The following MECOM variants were observed in gnomAD, a reference collection of about 807,000 sequenced individuals.
MECOM encodes the protein histone-lysine N-methyltransferase MECOM.
A neutral mutation model predicts 116.3 loss-of-function variants in MECOM; 13 were observed. The ratio of observed to expected loss-of-function variants is 0.11; its 90% CI spans 0.07 to 0.18. The LOEUF is 0.18. Among genes scored for constraint, MECOM ranks in the 10% least tolerant of loss-of-function variants. The pLI is 1.00. For synonymous variants in MECOM, 528 were observed against 535.2 expected (o/e 0.99, Z 0.19); for missense variants, 1,299 against 1,509.0 (o/e 0.86, Z 2.31).
At chr3:169,524,039 AATATAT>A (rs10575336) in intron 1 of MECOM, among the ~76,000 whole-genome samples, 324 of 138,238 alleles carry the variant, frequency 2.3e-3, no homozygotes, top group African/African-American at 6.5e-3. Flanking sequence ...TATATGAATA[AATATAT>A]ATATATATAT....
At chr3:169,161,513 A>G (rs1742845215) in intron 2 of MECOM, among the ~76,000 whole-genome samples, 1 of 152,210 alleles carries the variant, frequency 6.6e-6, no homozygotes, top group Admixed American at 6.5e-5. Context: ...CTGGTCACAG[A>G]TTAAAGACAA....
At chr3:169,498,156 T>C (rs1391850670) in intron 1 of MECOM, among the ~76,000 whole-genome samples, 1 of 152,236 alleles carries the variant, frequency 6.6e-6, no homozygotes, top group African/African-American at 2.4e-5. Flanking sequence ...CACAATTATT[T>C]CTTCCATATC....
intron 2 of MECOM, among the ~76,000 whole-genome samples, chr3:169,279,918 A>G (rs1315079295): frequency 6.6e-6 from 1 of 152,184 alleles, no homozygotes; most frequent in African/African-American, 2.4e-5. Context: ...CACAAGACTG[A>G]TATTTCATTG....
chr3:169,129,026 A>C (rs1733819164), intron 4 of MECOM, among the ~76,000 whole-genome samples: 1 of 152,190 alleles, frequency 6.6e-6, no homozygotes, highest in Admixed American at 6.5e-5. Flanking sequence ...ACCTATGGCC[A>C]AGGAAGATGT....
At chr3:169,661,766 C>T (rs1776314357) in intron 1 of MECOM, among the ~76,000 whole-genome samples, 1 of 152,208 alleles carries the variant, frequency 6.6e-6, no homozygotes, top group Admixed American at 6.5e-5. Flanking sequence ...CGATACCTAC[C>T]GTATTTGGTT....
Position 169,134,248 on chromosome 3 carries a change from A to G in MECOM, c.511-2717T>C, listed in dbSNP as rs1390906192. On this transcript the variant is annotated intron_variant, in intron 3 of 16. Transcript: ENST00000651503. ...AAATTGATGGATACACTGTAACTAT[A>G]TATTATAAAGACAATTCTCTTTGCC... Among the ~76,000 whole-genome samples the G allele has an allele frequency of 2.0e-5, 3 of 152,340 alleles. No homozygotes were observed. The East Asian group carries it at 5.8e-4, about 29-fold the overall frequency.
At chr3:169,163,559 A>G (rs990530672) in intron 2 of MECOM, among the ~76,000 whole-genome samples, 2 of 152,200 alleles carry the variant, frequency 1.3e-5, no homozygotes, top group Admixed American at 6.5e-5. Context: ...TAAGGTGATT[A>G]TTATCCTTGT....
intron 2 of MECOM, among the ~76,000 whole-genome samples, chr3:169,340,239 A>T (rs1037399104): frequency 6.6e-6 from 1 of 152,200 alleles, no homozygotes; most frequent in African/African-American, 2.4e-5. Context: ...TTTACTGTCA[A>T]TGCCCATCAT....
intron 1 of MECOM, among the ~76,000 whole-genome samples, chr3:169,637,840 A>G (rs377526703): frequency 6.6e-6 from 1 of 152,238 alleles, no homozygotes; most frequent in Non-Finnish European, 1.5e-5. Flanking sequence ...CATTCATTCC[A>G]TATTATTCCA....
chr3:169,463,220 T>C (rs894475499), intron 1 of MECOM, among the ~76,000 whole-genome samples: 3 of 152,132 alleles, frequency 2.0e-5, no homozygotes, highest in African/African-American at 7.2e-5. Context: ...ACCACCCCAC[T>C]GGGAAATGGA....
chr3:169,373,668 A>G (rs1025420315), intron 2 of MECOM, among the ~76,000 whole-genome samples: 2 of 152,024 alleles, frequency 1.3e-5, no homozygotes, highest in African/African-American at 4.8e-5. Context: ...AAAATGGGGT[A>G]TCATGAGGCA....
At chr3:169,652,911 G>C (rs1775091415) in intron 1 of MECOM, among the ~76,000 whole-genome samples, 1 of 152,048 alleles carries the variant, frequency 6.6e-6, no homozygotes, top group African/African-American at 2.4e-5. Flanking sequence ...CAAATCCCTA[G>C]GAATTACATG....
At chr3:169,594,902 A>C (rs1349275149) in intron 1 of MECOM, among the ~76,000 whole-genome samples, 2 of 151,386 alleles carry the variant, frequency 1.3e-5, no homozygotes, top group East Asian at 3.9e-4. Context: ...CAAAAAAAAA[A>C]CTGGATCTAT....
At chr3:169,516,378 A>G (rs1191029985) in intron 1 of MECOM, among the ~76,000 whole-genome samples, 2 of 152,222 alleles carry the variant, frequency 1.3e-5, no homozygotes, top group African/African-American at 4.8e-5. Flanking sequence ...TTTCAGATAT[A>G]ACTCTATTTT....
In MECOM at chr3:169,642,137, A is replaced by C. The variant is rs370950960; in HGVS notation, c.37+21199T>G. On this transcript the variant is annotated intron_variant, in intron 1 of 16. Coordinates refer to ENST00000651503, the MANE Select transcript of MECOM (RefSeq NM_004991.4). ...AGGCCTTCCCATTTATTAATCATAT[A>C]TTTCATTTCAGCAAAGAATCTAACA... 5.3e-5 allele frequency among the ~76,000 whole-genome samples: 8 copies of C among 152,304 alleles called. No homozygotes were observed. The South Asian group carries it at 1.7e-3, about 32-fold the overall frequency.
intron 1 of MECOM, among the ~76,000 whole-genome samples, chr3:169,384,482 C>T (rs1732973635): frequency 6.6e-6 from 1 of 152,160 alleles, no homozygotes; most frequent in African/African-American, 2.4e-5. Flanking sequence ...TTTAAAAGCT[C>T]ATTAATGGTC....
chr3:169,120,637 G>A (rs1730717912), intron 7 of MECOM, among the ~76,000 whole-genome samples: 1 of 152,118 alleles, frequency 6.6e-6, no homozygotes, highest in Non-Finnish European at 1.5e-5. Context: ...TACTTCCCAG[G>A]TGGGCTTCTT....
chr3:169,136,377 GATTA>G lies in MECOM; in HGVS notation c.511-4850_511-4847del, dbSNP rs558089840. Among the ~76,000 whole-genome samples the G allele has an allele frequency of 3.6e-3, 538 of 151,026 alleles. 6 individuals carry two copies. Among genetic ancestry groups the G allele is most frequent in the African/African-American group, 0.012 (502 of 41,344 alleles). ...TAAGAATGAATGCTTCATGGCACAT[GATTA>G]ATTCTTATTATATATCATACAAGTT... On this transcript the variant is annotated intron_variant, in intron 3 of 16. Coordinates refer to ENST00000651503, the MANE Select transcript of MECOM (RefSeq NM_004991.4).
intron 1 of MECOM, among the ~76,000 whole-genome samples, chr3:169,553,672 C>G (rs1044179073): frequency 1.3e-5 from 2 of 152,184 alleles, no homozygotes; most frequent in Non-Finnish European, 2.9e-5. Context: ...GTTCCAGATG[C>G]TAGAAGTCCA....
Sources: gnomAD v4.1 joint callset for allele counts (sites outside exome capture counted in the v4.1 genomes callset) on GRCh38, gnomAD v4.1.1 for gene constraint, MANE v1.5 for transcripts, NCBI Gene and HGNC (gene_info 2026-07-23, HGNC 2026-07-21) for gene names.